The following PPP2R2C variants were observed in gnomAD, a reference collection of about 807,000 sequenced individuals.
PPP2R2C encodes the protein protein phosphatase 2, regulatory subunit B, gamma.
Under a neutral mutation model 45.3 loss-of-function variants are expected in PPP2R2C, and 10 were observed. The observed-to-expected ratio is 0.22, with a 90% CI of 0.14 to 0.37. The LOEUF (loss-of-function observed/expected upper bound fraction) is 0.37, where lower values mean the gene tolerates loss of function less well. PPP2R2C is among the 10% of genes least tolerant of loss of function. The pLI, the probability that PPP2R2C is intolerant of heterozygous loss-of-function variation, is 1.00. For synonymous variants in PPP2R2C, 257 were observed against 245.4 expected, an observed-to-expected ratio of 1.05 and a Z score of -0.44; for missense variants, 308 against 619.7, an observed-to-expected ratio of 0.50 and a Z score of 5.34.
At position 6,381,041 on chromosome 4, in the gene PPP2R2C, C is replaced by A; in HGVS notation, c.124G>T (p.Gly42Cys). ...FNHTGELLAT[G>C]DKGGRVVIFQ... ...ATGACGACCCGGCCGCCCTTGTCAC[C>A]TGTGGCCAGCAGCTCTCCCGTGTGG... Residue 42 changes from glycine to cysteine, a missense_variant, in exon 2 of 9, where the codon GGT becomes TGT. Gly to Cys is a radical substitution (Grantham distance 159, BLOSUM62 -3). Transcript: ENST00000382599. 6.3e-7 allele frequency: 1 copy of A among 1,578,450 alleles called. No homozygotes were observed.
intron 1 of PPP2R2C, among the ~76,000 whole-genome samples, chr4:6,562,353 G>A (rs549154693): frequency 7.2e-5 from 11 of 152,156 alleles, no homozygotes; most frequent in Admixed American, 3.3e-4. Context: ...ACTCGCCACA[G>A]CCTCTGGAGC....
chr4:6,512,356 C>G (rs867138674), intron 2 of PPP2R2C, among the ~76,000 whole-genome samples: 30 of 2,082 alleles, frequency 0.014, no homozygotes, highest in South Asian at 0.034. Flanking sequence ...GGTGATGGTG[C>G]TGATGGTGGT....
rs200316130 is a variant in PPP2R2C, at chr4:6,510,994, C to CA, written c.49+24276dup. On this transcript the variant is annotated intron_variant, in intron 2 of 9. Transcript: ENST00000506140. Reference sequence around the variant, plus strand: ...TCCGTCTCAAACAAAAAAAAACAAACAAACAAAAAAAAAAACAGAAAATGT... The same window carrying CA: ...TCCGTCTCAAACAAAAAAAAACAAACAAAACAAAAAAAAAAACAGAAAATGT... 7.5e-3 allele frequency among the ~76,000 whole-genome samples: 250 copies of CA among 33,236 alleles called. 4 individuals carry two copies. Among genetic ancestry groups the CA allele is most frequent in the Admixed American group, 0.02 (62 of 3,158 alleles). The allele number at this position is 33,236 out of a possible 152,430, so 21.8% of individuals were successfully genotyped here. A position where few individuals can be genotyped will look rare whatever the true frequency, so the allele number is the denominator to read the frequency against.
At chr4:6,492,389 G>A (rs1042933488) in intron 2 of PPP2R2C, among the ~76,000 whole-genome samples, 1 of 152,216 alleles carries the variant, frequency 6.6e-6, no homozygotes, top group African/African-American at 2.4e-5. Flanking sequence ...CAGGGTCGTG[G>A]TGCTGAAGAC....
chr4:6,512,204 T>C, intron 2 of PPP2R2C, among the ~76,000 whole-genome samples: 1 of 92,842 alleles, frequency 1.1e-5, no homozygotes, highest in Non-Finnish European at 2.2e-5. Context: ...GTGGTGATGG[T>C]GGTGGTGATG....
At chr4:6,362,238 G>C (rs1382236195) in intron 5 of PPP2R2C, among the ~76,000 whole-genome samples, 1 of 152,154 alleles carries the variant, frequency 6.6e-6, no homozygotes, top group African/African-American at 2.4e-5. Flanking sequence ...GGGTGATGGA[G>C]TATGAGCTAT....
intron 1 of PPP2R2C, among the ~76,000 whole-genome samples, chr4:6,423,751 C>A (rs775786970): frequency 6.6e-6 from 1 of 152,024 alleles, no homozygotes; most frequent in East Asian, 1.9e-4. Flanking sequence ...AGGGTAGGAA[C>A]CAGCTTGGTG....
At chr4:6,429,380 G>A (rs1339568579) in intron 1 of PPP2R2C, among the ~76,000 whole-genome samples, 5 of 152,232 alleles carry the variant, frequency 3.3e-5, no homozygotes, top group South Asian at 4.1e-4. Context: ...TCAGGCCCTC[G>A]TACCTGGTAG....
chr4:6,526,809 C>T (rs2108818365), intron 2 of PPP2R2C, among the ~76,000 whole-genome samples: 2 of 152,264 alleles, frequency 1.3e-5, no homozygotes, highest in Middle Eastern at 6.8e-3. Context: ...TGGCCACCTC[C>T]CACTGAGCAG....
In PPP2R2C at chr4:6,563,020, C is replaced by G. The variant is rs1356923216; in HGVS notation, c.-59+540G>C. Among the ~76,000 whole-genome samples, 1 of 151,952 alleles carries G rather than the reference C, an allele frequency of 6.6e-6. No homozygotes were observed. Among genetic ancestry groups the G allele is most frequent in the Non-Finnish European group, 1.5e-5 (1 of 68,002 alleles). ...AGCAGCAGCCGGGCCTGACTCAGCA[C>G]CCACCGGCGCGGGCAGCGGGAGGAG... On this transcript the variant is annotated intron_variant, in intron 1 of 9. Transcript: ENST00000506140. The surrounding 1 kb of genome is among the most constrained non-coding windows in gnomAD (Gnocchi z 5.8).
chr4:6,479,961 T>C (rs1722292799), intron 2 of PPP2R2C, among the ~76,000 whole-genome samples: 1 of 152,088 alleles, frequency 6.6e-6, no homozygotes, highest in African/African-American at 2.4e-5. Context: ...TCCTCTCACC[T>C]TAGCCACTGA....
At chr4:6,325,366 G>A (rs1346744841) in intron 8 of PPP2R2C, among the ~76,000 whole-genome samples, 1 of 152,168 alleles carries the variant, frequency 6.6e-6, no homozygotes, top group Non-Finnish European at 1.5e-5. Context: ...CTCAGAGCCT[G>A]GGACAAGGGA....
chr4:6,372,659 G>A lies in PPP2R2C; in HGVS notation c.489C>T (p.Ser163=). 1 of 1,614,206 alleles carries A rather than the reference G, an allele frequency of 6.2e-7. No homozygotes were observed. The highest frequency in any genetic ancestry group is 8.5e-7 in the Non-Finnish European group (1 of 1,180,020). ...GGCCATTGGCAAAGATCCTCCGAGG[G>A]CTCACCTCCACCATCAGATCCATGG... ...LKPMDLMVEV[S]PRRIFANGHT... Residue 163 remains serine (S), a synonymous_variant, in exon 5 of 9, where the codon AGC becomes AGT. Transcript: ENST00000382599.
chr4:6,427,925 G>C (rs1448978728), intron 1 of PPP2R2C, among the ~76,000 whole-genome samples: 1 of 152,188 alleles, frequency 6.6e-6, no homozygotes, highest in Admixed American at 6.5e-5. Context: ...TAGCATCTCA[G>C]TTGATCCCCT....
In PPP2R2C at chr4:6,346,328, C is replaced by T. The variant is rs146233743; in HGVS notation, c.790+1518G>A. ...GACCTACAGGCAATGTGTGGAGTCA[C>T]GGCCACTGCAGTGCCCTCCTTCTCG... is the stretch of plus-strand genomic sequence containing the variant. On this transcript the variant is annotated intron_variant, in intron 6 of 8. Coordinates refer to ENST00000382599, the MANE Select transcript of PPP2R2C (RefSeq NM_020416.4). 1.2e-4 allele frequency among the ~76,000 whole-genome samples: 18 copies of T among 152,302 alleles called. No individual in the cohort carries two copies. In the East Asian group the frequency reaches 2.3e-3, roughly 20 times the overall value.
intron 7 of PPP2R2C, 27 bp downstream of exon 7, chr4:6,333,535 T>C (rs372820203): frequency 2.5e-6 from 4 of 1,605,694 alleles, no homozygotes; most frequent in East Asian, 2.2e-5. Context: ...AGACCCGGGA[T>C]TGGGGGTCTC....
In PPP2R2C at chr4:6,494,465, C is replaced by A. The variant is rs540025410; in HGVS notation, c.49+40806G>T. Among the ~76,000 whole-genome samples the A allele has an allele frequency of 2.0e-5, 3 of 152,366 alleles. No homozygotes were observed. In the East Asian group the frequency reaches 5.8e-4, roughly 29 times the overall value. On this transcript the variant is annotated intron_variant, in intron 2 of 9. Coordinates refer to the PPP2R2C transcript ENST00000506140. ...CCAGGCCTTGCCCTCAAAGAGCTTG[C>A]ATCCTACTGGGGCAAGGAGCTGAAT... is the stretch of plus-strand genomic sequence containing the variant.
rs116456820 is a variant in PPP2R2C at position 6,421,059 on chromosome 4, T to C, written c.71-39965A>G. The stretch of plus-strand genomic sequence containing the variant: ...GCTTTGTGTGCACCCTTCTTCCTAT[T>C]TGGGGTGTCCACAGAAGTGGAGAGG... On this transcript the variant is annotated intron_variant, in intron 1 of 8. Transcript: ENST00000382599. 2,300 of 985,232 alleles carry C rather than the reference T, an allele frequency of 2.3e-3. 48 individuals carry two copies. The African/African-American group carries it at 0.034, about 15-fold the overall frequency. 61.0% of individuals were successfully genotyped at this position (985,232 alleles called of 1,614,324 possible). A position where few individuals can be genotyped will look rare whatever the true frequency, so the allele number is the denominator to read the frequency against.
chr4:6,433,400 C>T (rs569745058), intron 1 of PPP2R2C, among the ~76,000 whole-genome samples: 1 of 152,326 alleles, frequency 6.6e-6, no homozygotes, highest in African/African-American at 2.4e-5. Flanking sequence ...CCCCGCCCTA[C>T]ACTTGGTATT....
Sources: allele counts gnomAD v4.1 joint callset (sites outside exome capture counted in the v4.1 genomes callset), GRCh38; gene constraint gnomAD v4.1.1; non-coding constraint Gnocchi (gnomAD v3.1); transcripts MANE v1.5; gene names NCBI Gene and HGNC (gene_info 2026-07-23, HGNC 2026-07-21).